Variants in LPIN2 observed in about 807,000 individuals in gnomAD.
LPIN2 encodes the protein lipin 2, also known as phosphatidate phosphatase LPIN2.
LPIN2 carries 55 observed loss-of-function variants against 111.4 expected under a neutral mutation model. The ratio of observed to expected loss-of-function variants is 0.49; its 90% CI spans 0.40 to 0.62. LPIN2 has a LOEUF of 0.62. LPIN2 is among the 20% of genes least tolerant of loss of function. LPIN2 has a pLI of 0.00. For missense variants in LPIN2, 992 were observed against 1,112.1 expected, an observed-to-expected ratio of 0.89 and a Z score of 1.54; for synonymous variants, 425 against 414.0, an observed-to-expected ratio of 1.03 and a Z score of -0.32.
intron 4 of LPIN2, chr18:2,946,879 T>C (rs2077460876): frequency 3.1e-6 from 1 of 319,962 alleles, no homozygotes; most frequent in Non-Finnish European, 6.0e-6. Flanking sequence ...GGCATTTGGA[T>C]ACAGAGCATT....
At chr18:2,964,275 T>C (rs2077755738) in intron 1 of LPIN2, among the ~76,000 whole-genome samples, 1 of 76,312 alleles carries the variant, frequency 1.3e-5, no homozygotes, top group Admixed American at 2.3e-4. Context: ...AGAGCAAGAC[T>C]CCGTCTCAAA....
At chr18:2,987,165 C>T (rs1328133929) in intron 1 of LPIN2, among the ~76,000 whole-genome samples, 1 of 152,166 alleles carries the variant, frequency 6.6e-6, no homozygotes, top group Non-Finnish European at 1.5e-5. Context: ...GCAAGTCTTA[C>T]TATCATCAAA....
chr18:2,995,646 C>T (rs1388303959), intron 1 of LPIN2, among the ~76,000 whole-genome samples: 1 of 152,186 alleles, frequency 6.6e-6, no homozygotes, highest in Non-Finnish European at 1.5e-5. Context: ...ACCACATAGT[C>T]ACAGAACTCT....
At chr18:2,969,357 C>T (rs635836) in intron 1 of LPIN2, among the ~76,000 whole-genome samples, 82,876 of 151,954 alleles carry the variant, frequency 0.55, 23,188 homozygotes, top group Non-Finnish European at 0.61. Context: ...GTTTTTGAAT[C>T]GTTCTGAGCT....
At position 2,987,370 on chromosome 18, in the gene LPIN2, A is replaced by C. The variant is rs141835343; in HGVS notation, c.-10+25717T>G. 8.5e-3 allele frequency among the ~76,000 whole-genome samples: 1,297 copies of C among 152,330 alleles called. 17 individuals carry two copies. The highest frequency in any genetic ancestry group is 0.065 in the Middle Eastern group (19 of 294). On this transcript the variant is annotated intron_variant, in intron 1 of 19. Coordinates refer to ENST00000677752, the MANE Select transcript of LPIN2 (RefSeq NM_001375808.2). ...TGAGATAGCTTAAAGCTTGTCCCCCAAAAACAGCAACAAACAACAAATAAG... is the reference window on the plus strand; with the variant it reads ...TGAGATAGCTTAAAGCTTGTCCCCCCAAAACAGCAACAAACAACAAATAAG...
chr18:2,960,219 T>TGTGTGTGTGTGTGTGTGTG (rs1568574269), intron 2 of LPIN2, among the ~76,000 whole-genome samples: 1 of 147,232 alleles, frequency 6.8e-6, no homozygotes, highest in African/African-American at 2.5e-5. Flanking sequence ...TGTGTGTGTG[T>TGTGTGTGTGTGTGTGTGTG]TCTTGATTAT....
intron 1 of LPIN2, among the ~76,000 whole-genome samples, chr18:2,997,224 C>T (rs902393176): frequency 3.3e-5 from 5 of 152,294 alleles, no homozygotes; most frequent in East Asian, 1.9e-4. Flanking sequence ...TCAGGTGATC[C>T]GCCGGCCTTG....
At chr18:2,968,796 T>C (rs1052800046) in intron 1 of LPIN2, among the ~76,000 whole-genome samples, 1 of 152,132 alleles carries the variant, frequency 6.6e-6, no homozygotes, top group African/African-American at 2.4e-5. Context: ...ATGTGGGCAA[T>C]GGGTGCAATC....
At chr18:2,982,597 CCTT>C (rs1305870488) in intron 1 of LPIN2, 1 of 577,548 alleles carries the variant, frequency 1.7e-6, no homozygotes, top group Non-Finnish European at 2.9e-6. Flanking sequence ...GATGCCATCC[CCTT>C]GTCTCTCAGT....
intron 4 of LPIN2, chr18:2,946,208 G>C: frequency 6.2e-7 from 1 of 1,607,476 alleles, no homozygotes; most frequent in South Asian, 1.1e-5. Context: ...TGGTTCATCT[G>C]GGCTTGGTCT....
chr18:2,960,940 C>T, intron 1 of LPIN2, 91 bp from the exon 2 acceptor site: 1 of 979,966 alleles, frequency 1.0e-6, no homozygotes, highest in Non-Finnish European at 1.6e-6. Flanking sequence ...TGACACTACT[C>T]ACTTGTATGC....
At chr18:2,977,742 GAATA>G (rs1389243208) in intron 1 of LPIN2, among the ~76,000 whole-genome samples, 3 of 151,988 alleles carry the variant, frequency 2.0e-5, no homozygotes, top group African/African-American at 7.3e-5. Flanking sequence ...CTCACTGATA[GAATA>G]AATTAATATA....
intron 1 of LPIN2, among the ~76,000 whole-genome samples, chr18:3,001,955 T>C (rs2078441091): frequency 6.6e-6 from 1 of 152,180 alleles, no homozygotes; most frequent in African/African-American, 2.4e-5. Flanking sequence ...TGCTTTTAAT[T>C]AGGAAAAGTT....
chr18:2,924,144 A>G (rs764474688), intron 15 of LPIN2, among the ~76,000 whole-genome samples: 11 of 152,194 alleles, frequency 7.2e-5, no homozygotes, highest in Admixed American at 2.0e-4. Context: ...GCTTGTTTTC[A>G]TATCAGAATT....
intron 16 of LPIN2, among the ~76,000 whole-genome samples, chr18:2,923,238 T>G (rs916826851): frequency 6.6e-6 from 1 of 151,884 alleles, no homozygotes; most frequent in Non-Finnish European, 1.5e-5. Flanking sequence ...CTGACCAACA[T>G]GATGAAACCC....
intron 4 of LPIN2, among the ~76,000 whole-genome samples, chr18:2,943,274 C>T (rs1236691993): frequency 6.6e-6 from 1 of 151,686 alleles, no homozygotes; most frequent in East Asian, 1.9e-4. Flanking sequence ...GATAGTAAAA[C>T]ATATGCTACC....
chr18:3,008,450 T>C (rs1241870792), intron 1 of LPIN2, among the ~76,000 whole-genome samples: 15 of 152,198 alleles, frequency 9.9e-5, no homozygotes, highest in African/African-American at 2.9e-4. Flanking sequence ...TCAAATAAAA[T>C]AGAAGTTTAA....
At chr18:2,924,642 C>G (rs1405371291) in intron 14 of LPIN2, 96 bp from the exon 15 acceptor site, 5 of 1,320,770 alleles carry the variant, frequency 3.8e-6, no homozygotes, top group Non-Finnish European at 5.4e-6. Context: ...GGAATCCCAA[C>G]AAGAGGCAGG....
At chr18:3,004,336 T>C (rs1466040924) in intron 1 of LPIN2, among the ~76,000 whole-genome samples, 2 of 152,316 alleles carry the variant, frequency 1.3e-5, no homozygotes, top group East Asian at 3.9e-4. Flanking sequence ...GGGTCATCAT[T>C]ACGGTCCTAC....
Sources: allele counts gnomAD v4.1 joint callset (sites outside exome capture counted in the v4.1 genomes callset), GRCh38; gene constraint gnomAD v4.1.1; transcripts MANE v1.5; gene names NCBI Gene and HGNC (gene_info 2026-07-23, HGNC 2026-07-21).